DRAM2: variants seen among roughly 807,000 people sequenced by gnomAD.
The protein encoded by DRAM2 is DNA damage-regulated autophagy modulator protein 2.
A neutral mutation model predicts 33.5 loss-of-function variants in DRAM2; 26 were observed. The observed-to-expected ratio is 0.78, with a 90% CI of 0.57 to 1.08. The LOEUF is 1.08. Among genes scored for constraint, DRAM2 ranks in the 50% least tolerant of loss-of-function variants. The probability of loss-of-function intolerance (pLI) is 0.00; values close to 1 mark genes in which losing one functional copy is unlikely to be tolerated. For missense variants in DRAM2, 311 were observed against 318.1 expected, an observed-to-expected ratio of 0.98 and a Z score of 0.17; for synonymous variants, 98 against 109.5, an observed-to-expected ratio of 0.89 and a Z score of 0.66.
chr1:111,129,655 T>C (rs1462844935), intron 4 of DRAM2, among the ~76,000 whole-genome samples: 2 of 152,162 alleles, frequency 1.3e-5, no homozygotes, highest in Non-Finnish European at 1.5e-5. Context: ...ATCTCACTTC[T>C]AGAAATCTAC....
intron 4 of DRAM2, among the ~76,000 whole-genome samples, chr1:111,128,401 A>G (rs1269147060): frequency 1.3e-5 from 2 of 152,136 alleles, no homozygotes; most frequent in Non-Finnish European, 2.9e-5. Flanking sequence ...GCAGAACAGA[A>G]AAGGAAGTGT....
rs925849728 is a variant in DRAM2 at position 111,117,848 on chromosome 1, CA to C, written c.*311del. The C allele has an allele frequency of 1.7e-4, 51 of 297,876 alleles. No homozygotes were observed. The highest frequency in any genetic ancestry group is 1.1e-3 in the African/African-American group (48 of 44,356). The allele number at this position is 297,876 out of a possible 1,614,324, so 18.5% of individuals were successfully genotyped here. Reference sequence around the variant, plus strand: ...ATAAAATGTGAAGGGTTGGGATGTGCAGACTGATTGGTGCACGTCAGGTTGT... The same window carrying C: ...ATAAAATGTGAAGGGTTGGGATGTGCGACTGATTGGTGCACGTCAGGTTGT... On this transcript the variant is annotated 3_prime_UTR_variant, in exon 10 of 10. Coordinates refer to ENST00000484310, the MANE Select transcript of DRAM2 (RefSeq NM_001349884.2).
Position 111,118,189 on chromosome 1 carries a change from G to C in DRAM2, c.772C>G (p.Arg258Gly). The change falls in exon 10 of 10, where the codon CGA becomes GGA. Residue 258 changes from arginine (R) to glycine (G), a missense_variant. Arg to Gly is a moderately radical substitution (Grantham distance 125). Transcript: ENST00000484310. ...DTAPCPINNE[R>G]TRLLSRDI Reference sequence around the variant, plus strand: ...ATATCTCTGGAAAGTAGCCGTGTTCGTTCATTGTTAATAGGGCAAGGTGCA... The same window carrying C: ...ATATCTCTGGAAAGTAGCCGTGTTCCTTCATTGTTAATAGGGCAAGGTGCA... The C allele has an allele frequency of 6.2e-7, 1 of 1,612,924 alleles. No homozygotes were observed. The highest frequency in any genetic ancestry group is 8.5e-7 in the Non-Finnish European group (1 of 1,179,148).
rs575027780 is a variant in DRAM2 at position 111,117,822 on chromosome 1, T to A, written c.*338A>T. The A allele has an allele frequency of 4.5e-6, 1 of 220,822 alleles. No individual in the cohort carries two copies. Among genetic ancestry groups the A allele is most frequent in the Admixed American group, 5.2e-5 (1 of 19,136 alleles). The allele number at this position is 220,822 out of a possible 1,614,324, so 13.7% of individuals were successfully genotyped here. ...TAACAAAACATGATCTACAATAATT[T>A]ATAAAATGTGAAGGGTTGGGATGTG... On this transcript the variant is annotated 3_prime_UTR_variant, in exon 10 of 10. Coordinates refer to ENST00000484310, the MANE Select transcript of DRAM2 (RefSeq NM_001349884.2).
chr1:111,130,897 C>T (rs1269248173), intron 4 of DRAM2, among the ~76,000 whole-genome samples: 1 of 151,098 alleles, frequency 6.6e-6, no homozygotes, highest in Non-Finnish European at 1.5e-5. Context: ...ATCCCAGCTA[C>T]TCGGCAGGCT....
intron 3 of DRAM2, among the ~76,000 whole-genome samples, chr1:111,132,682 CT>C (rs4021039): frequency 0.35 from 48,564 of 137,880 alleles, 8,249 homozygotes; most frequent in African/African-American, 0.45. Context: ...TTTTCTTCCT[CT>C]TTTTTTTTTT....
chr1:111,119,005 G>GA (rs1649465070), intron 8 of DRAM2, 108 bp from the exon 9 acceptor site: 1 of 713,338 alleles, frequency 1.4e-6, no homozygotes. Context: ...TGGAGCTTCT[G>GA]AAAATCAACC....
chr1:111,125,330 T>A (rs568710565), intron 5 of DRAM2: 2 of 153,086 alleles, frequency 1.3e-5, no homozygotes, highest in African/African-American at 4.8e-5. Context: ...GAATCAGCAC[T>A]AGTTATAGAA....
chr1:111,139,448 TC>T (rs1654039897), intron 2 of DRAM2, 52 bp downstream of exon 2: 2 of 152,134 alleles, frequency 1.3e-5, no homozygotes, highest in African/African-American at 4.8e-5. Flanking sequence ...TTTCAAACTC[TC>T]CCCTCCCCCT....
At chr1:111,137,877 TC>T (rs1384919208) in intron 2 of DRAM2, among the ~76,000 whole-genome samples, 1 of 152,148 alleles carries the variant, frequency 6.6e-6, no homozygotes, top group Non-Finnish European at 1.5e-5. Flanking sequence ...TTGCGTCTTC[TC>T]CTATAGAGAG....
chr1:111,119,883 C>T lies in DRAM2; in HGVS notation c.594G>A (p.Glu198=), dbSNP rs141550729. Residue 198 remains glutamate, a synonymous_variant, in exon 8 of 10, where the codon GAG becomes GAA. Coordinates refer to ENST00000484310, the MANE Select transcript of DRAM2 (RefSeq NM_001349884.2). ...DLEQKLHWNP[E]DKGYVLHMIT... ...ATAGACTGTAAGTTCTTACTTTGTC[C>T]TCGGGGTTCCAATGGAGTTTCTGTT... is the stretch of plus-strand genomic sequence containing the variant. 1.7e-4 allele frequency: 273 copies of T among 1,612,178 alleles called. No homozygotes were observed. The highest frequency in any genetic ancestry group is 2.2e-4 in the Non-Finnish European group (255 of 1,178,806).
At chr1:111,131,630 C>T (rs764467532) in intron 3 of DRAM2, 62 bp from the exon 4 acceptor site, 109 of 1,536,250 alleles carry the variant, frequency 7.1e-5, no homozygotes, top group Non-Finnish European at 9.5e-5. Context: ...CCTACTTTAG[C>T]CATCCATGCC....
At chr1:111,133,703 G>A (rs115888028) in intron 3 of DRAM2, among the ~76,000 whole-genome samples, 3,150 of 152,276 alleles carry the variant, frequency 0.021, 101 homozygotes, top group African/African-American at 0.073. Context: ...GTGGAGATAC[G>A]ATTCAAACTC....
intron 8 of DRAM2, among the ~76,000 whole-genome samples, chr1:111,119,362 T>C (rs1415858951): frequency 6.6e-6 from 1 of 152,042 alleles, no homozygotes; most frequent in Admixed American, 6.6e-5. Context: ...CTAATTCTTA[T>C]ATAAAACACC....
chr1:111,124,077 T>C (rs1650548647), intron 6 of DRAM2, among the ~76,000 whole-genome samples: 1 of 152,150 alleles, frequency 6.6e-6, no homozygotes, highest in Non-Finnish European at 1.5e-5. Context: ...AGCTTAGTAA[T>C]TTTCCATCCA....
chr1:111,127,553 A>T (rs1310096999), intron 4 of DRAM2, among the ~76,000 whole-genome samples: 1 of 152,204 alleles, frequency 6.6e-6, no homozygotes, highest in East Asian at 1.9e-4. Flanking sequence ...TATCTTTTAC[A>T]TACAAAAGAT....
chr1:111,133,794 T>G (rs1652618799), intron 3 of DRAM2, among the ~76,000 whole-genome samples: 1 of 152,240 alleles, frequency 6.6e-6, no homozygotes, highest in Admixed American at 6.5e-5. Context: ...TGTGTCATGC[T>G]CTCTAGCACA....
Position 111,124,880 on chromosome 1 carries a change from G to A in DRAM2, c.201C>T (p.Cys67=), listed in dbSNP as rs1390934455. Residue 67 remains cysteine, a splice_region_variant and synonymous_variant, in exon 6 of 10, where the codon TGC becomes TGT. Transcript: ENST00000484310. ...GAMLNIAAVL[C]IATIYVRYKQ... ...TATAACGAACATAAATGGTAGCAATGCCTGGGAAAAGATAATCCAAAAAAC... is the reference window on the plus strand; with the variant it reads ...TATAACGAACATAAATGGTAGCAATACCTGGGAAAAGATAATCCAAAAAAC... The A allele has an allele frequency of 2.5e-6, 4 of 1,609,712 alleles. No individual in the cohort carries two copies. Among genetic ancestry groups the A allele is most frequent in the Non-Finnish European group, 3.4e-6 (4 of 1,178,572 alleles).
intron 4 of DRAM2, among the ~76,000 whole-genome samples, chr1:111,128,909 T>A (rs1224891824): frequency 6.6e-6 from 1 of 152,216 alleles, no homozygotes; most frequent in East Asian, 1.9e-4. Context: ...AATATGTACC[T>A]TCCGGAGTTA....
Sources: allele counts gnomAD v4.1 joint callset (sites outside exome capture counted in the v4.1 genomes callset), GRCh38; gene constraint gnomAD v4.1.1; transcripts MANE v1.5; gene names NCBI Gene and HGNC (gene_info 2026-07-23, HGNC 2026-07-21).